The following RAPGEF4 variants were observed in gnomAD, a reference collection of about 807,000 sequenced individuals.
RAPGEF4 encodes Rap guanine nucleotide exchange factor 4.
In RAPGEF4, 66 loss-of-function variants were observed where a neutral mutation model predicts 147.9. That is an observed-to-expected ratio of 0.45 (90% CI 0.37 to 0.55). The LOEUF (loss-of-function observed/expected upper bound fraction) is 0.55. Among genes scored for constraint, RAPGEF4 ranks in the 20% least tolerant of loss-of-function variants. The pLI, the probability that RAPGEF4 is intolerant of heterozygous loss-of-function variation, is 0.00. For missense variants in RAPGEF4, 1,071 were observed against 1,257.3 expected, an observed-to-expected ratio of 0.85 and a Z score of 2.24; for synonymous variants, 419 against 442.7, an observed-to-expected ratio of 0.95 and a Z score of 0.67.
At chr2:172,737,764 G>C (rs1382167828) in intron 1 of RAPGEF4, among the ~76,000 whole-genome samples, 1 of 151,844 alleles carries the variant, frequency 6.6e-6, no homozygotes, top group Non-Finnish European at 1.5e-5. Context: ...AGTCAGATGA[G>C]TGGATAGATC....
intron 29 of RAPGEF4, among the ~76,000 whole-genome samples, chr2:173,044,873 A>T (rs1224843951): frequency 1.3e-5 from 2 of 152,150 alleles, no homozygotes; most frequent in Non-Finnish European, 2.9e-5. Context: ...CTACTGGGGA[A>T]AAAAAGATGA....
At chr2:173,001,397 T>A (rs962265765) in intron 17 of RAPGEF4, 53 bp downstream of exon 17, 20 of 1,605,602 alleles carry the variant, frequency 1.2e-5, no homozygotes, top group Non-Finnish European at 1.7e-5. Context: ...CAACCCCCCC[T>A]ATCGAGGGCC....
intron 1 of RAPGEF4, among the ~76,000 whole-genome samples, chr2:172,786,371 G>A (rs560358104): frequency 2.0e-5 from 3 of 152,068 alleles, no homozygotes; most frequent in Non-Finnish European, 2.9e-5. Context: ...TGAGCTCCTC[G>A]TGGATACTGT....
At chr2:172,822,036 T>C (rs1689125375) in intron 4 of RAPGEF4, 1 of 1,583,162 alleles carries the variant, frequency 6.3e-7, no homozygotes, top group South Asian at 1.1e-5. Flanking sequence ...ATACTACATG[T>C]TACTGTTTGC....
chr2:172,773,554 T>C (rs1246512761), intron 1 of RAPGEF4, among the ~76,000 whole-genome samples: 1 of 152,082 alleles, frequency 6.6e-6, no homozygotes, highest in Non-Finnish European at 1.5e-5. Context: ...TGGAGAAACC[T>C]TGTCCTCCTC....
At chr2:172,819,894 T>C (rs1326651147) in intron 4 of RAPGEF4, among the ~76,000 whole-genome samples, 2 of 152,234 alleles carry the variant, frequency 1.3e-5, no homozygotes, top group African/African-American at 4.8e-5. Flanking sequence ...AAAGCAGTTA[T>C]TATATTAATA....
chr2:172,975,912 A>G (rs1048719456), intron 10 of RAPGEF4, among the ~76,000 whole-genome samples: 2 of 152,230 alleles, frequency 1.3e-5, no homozygotes, highest in Admixed American at 6.5e-5. Context: ...CTTGTAGTAA[A>G]CACTTTTGCT....
rs1161988448 is a variant in RAPGEF4, at chr2:173,030,369, G to A, written c.2649+115G>A. On this transcript the variant is annotated intron_variant, in intron 26 of 30. Transcript: ENST00000397081. ...ACACTAGTATAACAATGGGAAAGGT[G>A]GGACACTTGGAGGGAGGTGACCTGT... The A allele has an allele frequency of 3.7e-6, 3 of 817,478 alleles. No individual in the cohort carries two copies. The East Asian group carries it at 7.8e-5, about 21-fold the overall frequency. 50.6% of individuals were successfully genotyped at this position (817,478 alleles called of 1,614,324 possible). A position where few individuals can be genotyped will look rare whatever the true frequency, so the allele number is the denominator to read the frequency against.
chr2:172,850,567 A>G (rs1271421198), intron 4 of RAPGEF4, among the ~76,000 whole-genome samples: 2 of 152,078 alleles, frequency 1.3e-5, no homozygotes, highest in African/African-American at 2.4e-5. Context: ...GCAGTGAGCC[A>G]AGATCATGCC....
chr2:172,801,749 G>A (rs1276432594), intron 3 of RAPGEF4, among the ~76,000 whole-genome samples: 1 of 152,158 alleles, frequency 6.6e-6, no homozygotes, highest in Non-Finnish European at 1.5e-5. Context: ...GGACCGGAAG[G>A]GGAAGGAAGA....
intron 1 of RAPGEF4, among the ~76,000 whole-genome samples, chr2:172,772,152 T>A (rs1410304774): frequency 6.6e-6 from 1 of 151,952 alleles, no homozygotes; most frequent in African/African-American, 2.4e-5. Context: ...GGTGGGAGGA[T>A]CACTTGAGTC....
chr2:172,970,462 G>C (rs1261278252), intron 10 of RAPGEF4, among the ~76,000 whole-genome samples: 1 of 152,190 alleles, frequency 6.6e-6, no homozygotes, highest in Non-Finnish European at 1.5e-5. Flanking sequence ...ACTCAGCACG[G>C]CTGCATTTTA....
intron 4 of RAPGEF4, among the ~76,000 whole-genome samples, chr2:172,821,320 C>T (rs1212301849): frequency 7.9e-5 from 12 of 152,166 alleles, no homozygotes; most frequent in South Asian, 2.1e-4. Flanking sequence ...TGATAATGCA[C>T]GGGGACCGAG....
At chr2:172,811,328 G>A (rs772634727) in intron 3 of RAPGEF4, among the ~76,000 whole-genome samples, 35 of 152,340 alleles carry the variant, frequency 2.3e-4, no homozygotes, top group Non-Finnish European at 4.6e-4. Flanking sequence ...TTGAAGTCGG[G>A]TTTTTAAATC....
At chr2:172,945,637 A>ATGGTAATTATTT (rs1417756129) in intron 6 of RAPGEF4, among the ~76,000 whole-genome samples, 1 of 152,072 alleles carries the variant, frequency 6.6e-6, no homozygotes, top group Non-Finnish European at 1.5e-5. Context: ...CCTTTTTTTC[A>ATGGTAATTATTT]TGGTAATTAT....
At chr2:172,820,131 C>G (rs1688929006) in intron 4 of RAPGEF4, among the ~76,000 whole-genome samples, 1 of 152,126 alleles carries the variant, frequency 6.6e-6, no homozygotes, top group Admixed American at 6.5e-5. Flanking sequence ...GTTTTGACAT[C>G]TTTACATGGA....
chr2:172,840,814 T>G (rs1472590053), intron 4 of RAPGEF4, among the ~76,000 whole-genome samples: 2 of 152,196 alleles, frequency 1.3e-5, no homozygotes, highest in African/African-American at 4.8e-5. Context: ...GTCTTAGAGA[T>G]CACTCATTGC....
At chr2:172,988,570 C>G in intron 13 of RAPGEF4, 123 bp from the exon 14 acceptor site, 1 of 1,192,132 alleles carries the variant, frequency 8.4e-7, no homozygotes, top group Non-Finnish European at 1.2e-6. Context: ...TCCCCTTTGG[C>G]ATCGCTAGGT....
intron 4 of RAPGEF4, among the ~76,000 whole-genome samples, chr2:172,871,673 A>G (rs1176086167): frequency 6.6e-6 from 1 of 150,842 alleles, no homozygotes; most frequent in Non-Finnish European, 1.5e-5. Flanking sequence ...GAGTTACAAC[A>G]GTATTTTGAG....
Sources: gnomAD v4.1 joint callset for allele counts (sites outside exome capture counted in the v4.1 genomes callset) on GRCh38, gnomAD v4.1.1 for gene constraint, MANE v1.5 for transcripts, NCBI Gene and HGNC (gene_info 2026-07-23, HGNC 2026-07-21) for gene names.